TENM3: variants seen among roughly 807,000 people sequenced by gnomAD.
TENM3 encodes the protein teneurin transmembrane protein 3.
TENM3 carries 63 observed loss-of-function variants against 255.1 expected under a neutral mutation model. The observed-to-expected ratio is 0.25, with a 90% confidence interval of 0.20 to 0.30. The LOEUF is 0.30. Ranked by LOEUF, TENM3 falls within the 10% of genes least tolerant of loss-of-function variation. TENM3 has a pLI of 1.00. For synonymous variants in TENM3, 1,306 were observed against 1,322.3 expected (o/e 0.99, Z 0.27); for missense variants, 2,929 against 3,461.1 (o/e 0.85, Z 3.86).
At chr4:182,148,228 A>G (rs1035606759) in intron 1 of TENM3, among the ~76,000 whole-genome samples, 16 of 152,186 alleles carry the variant, frequency 1.1e-4, no homozygotes, top group Admixed American at 6.5e-5. Flanking sequence ...GCATTCCACA[A>G]TGGATCAGTT....
At chr4:182,365,373 G>A (rs1337093021) in intron 3 of TENM3, among the ~76,000 whole-genome samples, 1 of 152,186 alleles carries the variant, frequency 6.6e-6, no homozygotes, top group Non-Finnish European at 1.5e-5. Context: ...AGGTTTGGTT[G>A]CAGGACCTTT....
the TENM3 span, among the ~76,000 whole-genome samples, chr4:181,848,720 T>C: frequency 6.6e-6 from 1 of 152,060 alleles, no homozygotes; most frequent in Non-Finnish European, 1.5e-5. Flanking sequence ...AAAGAACAAA[T>C]TTGTTTAAGG....
At chr4:181,818,555 T>C in the TENM3 span, among the ~76,000 whole-genome samples, 1 of 152,144 alleles carries the variant, frequency 6.6e-6, no homozygotes, top group Non-Finnish European at 1.5e-5. Flanking sequence ...ATGTGCAGGA[T>C]GTACAGGTTT....
intron 1 of TENM3, among the ~76,000 whole-genome samples, chr4:182,250,792 C>T (rs1757962491): frequency 6.6e-6 from 1 of 152,170 alleles, no homozygotes; most frequent in African/African-American, 2.4e-5. Context: ...TGACTAAAAA[C>T]ATTCACACTG....
intron 12 of TENM3, among the ~76,000 whole-genome samples, chr4:182,701,280 G>A (rs989463979): frequency 2.1e-4 from 27 of 131,362 alleles, no homozygotes; most frequent in Non-Finnish European, 3.7e-4. Context: ...GAGAGCAGTG[G>A]CACGATCTCG....
intron 3 of TENM3, among the ~76,000 whole-genome samples, chr4:182,504,449 T>C (rs1382102613): frequency 6.2e-5 from 2 of 32,494 alleles, no homozygotes; most frequent in African/African-American, 1.8e-4. Flanking sequence ...CAGAGTTAAG[T>C]CCTCTGTAAA....
intron 1 of TENM3, among the ~76,000 whole-genome samples, chr4:182,165,742 C>T (rs1751660058): frequency 6.6e-6 from 1 of 152,198 alleles, no homozygotes; most frequent in South Asian, 2.1e-4. Context: ...TCCCCTTTCA[C>T]TCTTTTTTGG....
the TENM3 span, among the ~76,000 whole-genome samples, chr4:181,577,520 T>C: frequency 6.6e-6 from 1 of 152,124 alleles, no homozygotes; most frequent in Non-Finnish European, 1.5e-5. Flanking sequence ...CTACATACTC[T>C]TTCCCAACAT....
At chr4:181,451,372 A>G in the TENM3 span, among the ~76,000 whole-genome samples, 5 of 152,220 alleles carry the variant, frequency 3.3e-5, no homozygotes, top group Non-Finnish European at 1.5e-5. Flanking sequence ...GGCCTTGCAG[A>G]CACCATTAAA....
chr4:182,680,358 G>C lies in TENM3; in HGVS notation c.1639+9G>C. ...TCCGGATTGTTCAAGAGGTATGCAA[G>C]TTAGATTCTTCTCTTAAGCCGATAT... On this transcript the variant is annotated intron_variant, in intron 9 of 27. Coordinates refer to ENST00000511685, the MANE Select transcript of TENM3 (RefSeq NM_001080477.4). 7 of 1,562,498 alleles carry C rather than the reference G, an allele frequency of 4.5e-6. No individual in the cohort carries two copies. Among genetic ancestry groups the C allele is most frequent in the Non-Finnish European group, 6.1e-6 (7 of 1,142,138 alleles).
At chr4:182,215,835 T>C (rs1755427340) in intron 1 of TENM3, among the ~76,000 whole-genome samples, 1 of 152,202 alleles carries the variant, frequency 6.6e-6, no homozygotes, top group African/African-American at 2.4e-5. Flanking sequence ...TCCACTGATG[T>C]CTCGATACCT....
the TENM3 span, among the ~76,000 whole-genome samples, chr4:182,111,482 T>C: frequency 6.6e-6 from 1 of 152,186 alleles, no homozygotes; most frequent in Non-Finnish European, 1.5e-5. Flanking sequence ...AAAGGGCATG[T>C]ACTCAATTGA....
At chr4:181,619,170 C>G in the TENM3 span, among the ~76,000 whole-genome samples, 1 of 152,112 alleles carries the variant, frequency 6.6e-6, no homozygotes, top group Admixed American at 6.5e-5. Context: ...ACAGCTTCCT[C>G]GGAGTGGCCG....
At chr4:181,640,603 T>G in the TENM3 span, among the ~76,000 whole-genome samples, 1 of 152,208 alleles carries the variant, frequency 6.6e-6, no homozygotes, top group East Asian at 1.9e-4. Flanking sequence ...CATTTTCCCT[T>G]GCTGCACTGG....
In TENM3 at chr4:182,328,693, C is replaced by G. The variant is rs1763570968; in HGVS notation, c.232+4441C>G. ...TCTGGTCTTTGCTGACAGCGTGGCT[C>G]CACTCCCAGAAACTCCCCTCTTTGG... On this transcript the variant is annotated intron_variant, in intron 2 of 27. Coordinates refer to ENST00000511685, the MANE Select transcript of TENM3 (RefSeq NM_001080477.4). 3.3e-5 allele frequency among the ~76,000 whole-genome samples: 5 copies of G among 152,126 alleles called. No individual in the cohort carries two copies. In the South Asian group the frequency reaches 1.0e-3, roughly 32 times the overall value.
the TENM3 span, among the ~76,000 whole-genome samples, chr4:181,770,568 G>C: frequency 6.6e-6 from 1 of 151,398 alleles, no homozygotes; most frequent in African/African-American, 2.4e-5. Flanking sequence ...CCAGCTACTT[G>C]GGAGGCTGAG....
At chr4:182,302,943 AT>A (rs1433557031) in intron 1 of TENM3, among the ~76,000 whole-genome samples, 4 of 152,114 alleles carry the variant, frequency 2.6e-5, no homozygotes, top group Non-Finnish European at 4.4e-5. Context: ...ACAGTGTGTC[AT>A]TTTTCCAGCT....
chr4:181,645,355 C>T, the TENM3 span, among the ~76,000 whole-genome samples: 1 of 152,152 alleles, frequency 6.6e-6, no homozygotes, highest in African/African-American at 2.4e-5. Flanking sequence ...CCCTCTGTGG[C>T]CACCGCTGAG....
chr4:182,112,572 CTA>C, the TENM3 span, among the ~76,000 whole-genome samples: 3 of 152,148 alleles, frequency 2.0e-5, no homozygotes, highest in African/African-American at 2.4e-5. Flanking sequence ...GTGTAATTTT[CTA>C]TGTGTCTAAA....
Sources: allele counts gnomAD v4.1 joint callset (sites outside exome capture counted in the v4.1 genomes callset), GRCh38; gene constraint gnomAD v4.1.1; transcripts MANE v1.5; gene names NCBI Gene and HGNC (gene_info 2026-07-23, HGNC 2026-07-21).